The following SLC9B1 variants were observed in gnomAD, a reference collection of about 807,000 sequenced individuals.
SLC9B1 encodes sodium/hydrogen exchanger 9B1.
A neutral mutation model predicts 51.7 loss-of-function variants in SLC9B1; 32 were observed. The ratio of observed to expected loss-of-function variants is 0.62; its 90% CI spans 0.47 to 0.83. The LOEUF (loss-of-function observed/expected upper bound fraction) is 0.83. Ranked by LOEUF, SLC9B1 falls within the 40% of genes least tolerant of loss-of-function variation. The pLI, the probability that SLC9B1 is intolerant of heterozygous loss-of-function variation, is 0.00. For synonymous variants in SLC9B1, 145 were observed against 212.7 expected (o/e 0.68, Z 2.77); for missense variants, 406 against 613.2 (o/e 0.66, Z 3.57).
chr4:102,955,348 A>G (rs1451293925), intron 3 of SLC9B1, among the ~76,000 whole-genome samples: 1 of 152,236 alleles, frequency 6.6e-6, no homozygotes, highest in Non-Finnish European at 1.5e-5. Flanking sequence ...TATAAGTCCA[A>G]TTAAACCTCT....
chr4:102,915,674 C>T (rs889774164), intron 7 of SLC9B1, among the ~76,000 whole-genome samples: 1 of 152,184 alleles, frequency 6.6e-6, no homozygotes, highest in African/African-American at 2.4e-5. Flanking sequence ...TAAGACACCA[C>T]ACCCAGCCTG....
At chr4:102,932,373 A>C (rs1736503941) in intron 6 of SLC9B1, 74 bp from the exon 7 acceptor site, 1 of 1,264,372 alleles carries the variant, frequency 7.9e-7, no homozygotes, top group African/African-American at 1.5e-5. Context: ...CAAGTAGTTT[A>C]TAATAACTTT....
intron 3 of SLC9B1, among the ~76,000 whole-genome samples, chr4:102,955,522 G>C (rs1175118173): frequency 6.6e-6 from 1 of 152,098 alleles, no homozygotes; most frequent in Non-Finnish European, 1.5e-5. Flanking sequence ...CTGGGGGCAG[G>C]GGTGGATTTG....
At chr4:102,920,994 A>G (rs1280536955) in intron 7 of SLC9B1, among the ~76,000 whole-genome samples, 2 of 152,254 alleles carry the variant, frequency 1.3e-5, no homozygotes, top group Non-Finnish European at 2.9e-5. Flanking sequence ...TCTTCAGGAT[A>G]TTATCCAGGA....
At chr4:102,947,008 G>T (rs1431193385) in intron 4 of SLC9B1, among the ~76,000 whole-genome samples, 4 of 152,110 alleles carry the variant, frequency 2.6e-5, no homozygotes, top group African/African-American at 9.7e-5. Flanking sequence ...GAACATACAG[G>T]GCAAGGAAAG....
intron 7 of SLC9B1, among the ~76,000 whole-genome samples, chr4:102,922,661 A>G (rs757633108): frequency 6.6e-5 from 10 of 152,166 alleles, no homozygotes; most frequent in Non-Finnish European, 1.5e-4. Flanking sequence ...GACTGCTAGC[A>G]AGCCTAATAA....
intron 1 of SLC9B1, among the ~76,000 whole-genome samples, chr4:103,013,198 C>T (rs959318009): frequency 6.6e-6 from 1 of 152,192 alleles, no homozygotes; most frequent in African/African-American, 2.4e-5. Flanking sequence ...TTTGACCCAA[C>T]ATTTCAGTCA....
At chr4:102,966,391 T>C (rs1230644940) in intron 3 of SLC9B1, among the ~76,000 whole-genome samples, 2 of 152,254 alleles carry the variant, frequency 1.3e-5, no homozygotes, top group Non-Finnish European at 2.9e-5. Flanking sequence ...CACATGGTTG[T>C]AAACGCCATC....
downstream of SLC9B1, among the ~76,000 whole-genome samples, chr4:102,899,028 T>C (rs1354776616): frequency 6.6e-6 from 1 of 152,030 alleles, no homozygotes; most frequent in Non-Finnish European, 1.5e-5. Flanking sequence ...TGAGCCACTG[T>C]GCCCAGCCTT....
chr4:103,012,403 A>T (rs1446965270), intron 1 of SLC9B1, among the ~76,000 whole-genome samples: 1 of 152,196 alleles, frequency 6.6e-6, no homozygotes, highest in Non-Finnish European at 1.5e-5. Context: ...TCTGATCATG[A>T]TTAACTTAGA....
chr4:102,907,821 A>G (rs1735128742), intron 9 of SLC9B1, among the ~76,000 whole-genome samples: 1 of 151,614 alleles, frequency 6.6e-6, no homozygotes, highest in East Asian at 1.9e-4. Flanking sequence ...ACAAAGAAAA[A>G]CAATGTTACT....
At chr4:103,019,510 TGCGGCC>T in intron 1 of SLC9B1, 83 bp downstream of exon 1, 1 of 917,410 alleles carries the variant, frequency 1.1e-6, no homozygotes, top group Non-Finnish European at 1.3e-6. Flanking sequence ...AAGGCCCTCC[TGCGGCC>T]TACCGCAAGG....
chr4:102,961,493 T>C (rs1419522069), intron 3 of SLC9B1, among the ~76,000 whole-genome samples: 2 of 152,288 alleles, frequency 1.3e-5, no homozygotes, highest in African/African-American at 4.8e-5. Flanking sequence ...GCAAGAGGCC[T>C]ATTTTGTCAG....
chr4:102,895,532 A>G (rs1367631990), intron 11 of SLC9B1, among the ~76,000 whole-genome samples: 1 of 152,230 alleles, frequency 6.6e-6, no homozygotes, highest in Non-Finnish European at 1.5e-5. Flanking sequence ...TAGTGAACAA[A>G]AAAAGGAAAG....
At chr4:103,001,829 C>A (rs577564808) in intron 1 of SLC9B1, among the ~76,000 whole-genome samples, 8 of 152,308 alleles carry the variant, frequency 5.3e-5, no homozygotes, top group African/African-American at 1.7e-4. Flanking sequence ...GTATTAGTCC[C>A]ATTTTCACAC....
rs567556526 is a variant in SLC9B1 at position 102,906,955 on chromosome 4, C to G, written c.1087-311G>C. ...CCCAGGATGGTCTAGAACTCCTGTC[C>G]TCAAGTGGTCTCTGGCTGTGGCGTC... On this transcript the variant is annotated intron_variant, in intron 9 of 11. Transcript: ENST00000296422. Among the ~76,000 whole-genome samples the G allele has an allele frequency of 2.0e-5, 3 of 152,192 alleles. No homozygotes were observed. The South Asian group carries it at 6.2e-4, about 32-fold the overall frequency.
chr4:102,983,460 T>C (rs1045966351), intron 3 of SLC9B1, among the ~76,000 whole-genome samples: 1 of 152,248 alleles, frequency 6.6e-6, no homozygotes, highest in East Asian at 1.9e-4. Flanking sequence ...GCTGAGAAAA[T>C]TGTATAATTT....
At chr4:102,984,642 C>A (rs1475359682) in intron 3 of SLC9B1, among the ~76,000 whole-genome samples, 5 of 152,046 alleles carry the variant, frequency 3.3e-5, no homozygotes, top group Non-Finnish European at 7.4e-5. Flanking sequence ...TCCATATTAG[C>A]CGGAGCAGAA....
rs1578421077 is a variant in SLC9B1 at position 103,013,102 on chromosome 4, C to T, written c.-2+6497G>A. Among the ~76,000 whole-genome samples, 4 of 152,324 alleles carry T rather than the reference C, an allele frequency of 2.6e-5. 1 individual carries two copies. In the South Asian group the frequency reaches 8.3e-4, roughly 32 times the overall value. On this transcript the variant is annotated intron_variant, in intron 1 of 11. Coordinates refer to ENST00000296422, the MANE Select transcript of SLC9B1 (RefSeq NM_139173.4). ...CACAATGGTTTTTCTCAACTATAGA[C>T]AAAGCTACCAAAAACTTACCCAGAA...
Sources: allele counts gnomAD v4.1 joint callset (sites outside exome capture counted in the v4.1 genomes callset), GRCh38; gene constraint gnomAD v4.1.1; transcripts MANE v1.5; gene names NCBI Gene and HGNC (gene_info 2026-07-23, HGNC 2026-07-21).